DNAH11: variants seen among roughly 807,000 people sequenced by gnomAD.
DNAH11 encodes dynein axonemal heavy chain 11, also known as axonemal beta dynein heavy chain 11.
Under a neutral mutation model 526.0 loss-of-function variants are expected in DNAH11, and 442 were observed. The ratio of observed to expected loss-of-function variants is 0.84; its 90% CI spans 0.78 to 0.91. The LOEUF (loss-of-function observed/expected upper bound fraction) is 0.91. Among genes scored for constraint, DNAH11 ranks in the 40% least tolerant of loss-of-function variants. DNAH11 has a pLI of 0.00. For synonymous variants in DNAH11, 2,461 were observed against 1,935.9 expected, an observed-to-expected ratio of 1.27 and a Z score of -7.12; for missense variants, 6,989 against 5,448.7, an observed-to-expected ratio of 1.28 and a Z score of -8.90.
chr7:21,635,024 A>G lies in DNAH11; in HGVS notation c.4501-847A>G, dbSNP rs185566545. On this transcript the variant is annotated intron_variant, in intron 25 of 81. Transcript: ENST00000409508. ...TCTTTTCAAAATAAAACTGCAACCA[A>G]TACTTGAAAAAACAAAACAAAAACA... Among the ~76,000 whole-genome samples, 25 of 152,302 alleles carry G rather than the reference A, an allele frequency of 1.6e-4. No homozygotes were observed. The East Asian group carries it at 4.4e-3, about 27-fold the overall frequency.
In DNAH11 at chr7:21,880,747, C is replaced by T. The variant is rs1783890164; in HGVS notation, c.12241C>T (p.Leu4081Phe). The change falls in exon 75 of 82, where the codon CTT becomes TTT. Residue 4081 changes from leucine to phenylalanine, a missense_variant. Transcript: ENST00000409508. Reference protein sequence around the residue: ...CSKEQEFKSILFSLCYFHACV... With the variant: ...CSKEQEFKSIFFSLCYFHACV... Reference sequence around the variant, plus strand: ...CAAGGAGCAGGAGTTTAAAAGCATCCTTTTTTCTCTCTGCTACTTCCACGC... The same window carrying T: ...CAAGGAGCAGGAGTTTAAAAGCATCTTTTTTTCTCTCTGCTACTTCCACGC... 2.5e-6 allele frequency: 4 copies of T among 1,613,808 alleles called. No individual in the cohort carries two copies. Among genetic ancestry groups the T allele is most frequent in the African/African-American group, 2.7e-5 (2 of 74,912 alleles).
Position 21,707,823 on chromosome 7 carries a change from G to T in DNAH11, c.6671G>T (p.Trp2224Leu), listed in dbSNP as rs1428388313. 3 of 1,595,176 alleles carry T rather than the reference G, an allele frequency of 1.9e-6. No homozygotes were observed. In the African/African-American group the frequency reaches 4.1e-5, roughly 22 times the overall value. The change falls in exon 40 of 82, where the codon TGG becomes TTG. Residue 2224 changes from tryptophan (W) to leucine (L), a missense_variant. Transcript: ENST00000409508. ...TTCATACATCATGCTACCCGAGAAT[G>T]GAAAGATGGCAAGTAGTATTTCCCC... ...FGFIHHATREWKDGKIVYSYF... is the reference protein window; with the variant it reads ...FGFIHHATRELKDGKIVYSYF...
At chr7:21,823,991 G>C (rs1329182170) in intron 65 of DNAH11, among the ~76,000 whole-genome samples, 2 of 152,272 alleles carry the variant, frequency 1.3e-5, no homozygotes, top group South Asian at 2.1e-4. Context: ...TATGCAGTCT[G>C]CTAAGAGATT....
chr7:21,687,310 T>C (rs1238153843), intron 33 of DNAH11, 55 bp downstream of exon 33: 2 of 1,557,204 alleles, frequency 1.3e-6, no homozygotes, highest in African/African-American at 2.7e-5. Context: ...TTATTCCTGA[T>C]TGGGAATTAT....
At chr7:21,619,661 T>G (rs1030130988) in intron 24 of DNAH11, among the ~76,000 whole-genome samples, 1 of 152,200 alleles carries the variant, frequency 6.6e-6, no homozygotes. Context: ...AATTTGTAAA[T>G]AGTATCTACC....
In DNAH11 at chr7:21,763,353, A is replaced by AAAAAAAAAGAAG. The variant is rs66803559; in HGVS notation, c.8941-2072_8941-2071insAAAAAGAAGAAA. On this transcript the variant is annotated intron_variant, in intron 54 of 81. Transcript: ENST00000409508. ...CAAGACTGTCTCAAAAAAAAAAAAA[A>AAAAAAAAAGAAG]AAAGAAAAAAAAAAAGACTTACAAA... Among the ~76,000 whole-genome samples, 89 of 56,946 alleles carry AAAAAAAAAGAAG rather than the reference A, an allele frequency of 1.6e-3. 7 individuals carry two copies. Among genetic ancestry groups the AAAAAAAAAGAAG allele is most frequent in the Middle Eastern group, 0.013 (1 of 78 alleles). The allele number at this position is 56,946 out of a possible 152,430, so 37.4% of individuals were successfully genotyped here.
intron 74 of DNAH11, among the ~76,000 whole-genome samples, chr7:21,875,762 T>C (rs1783680775): frequency 6.6e-6 from 1 of 152,176 alleles, no homozygotes; most frequent in Non-Finnish European, 1.5e-5. Context: ...GAACACCTGT[T>C]CTGGTCTTTT....
At chr7:21,581,846 T>G in intron 8 of DNAH11, 59 bp from the exon 9 acceptor site, 1 of 1,050,366 alleles carries the variant, frequency 9.5e-7, no homozygotes, top group Non-Finnish European at 1.5e-6. Context: ...CTTGTGTGAT[T>G]GCTATTTTCG....
At chr7:21,726,206 A>G (rs1234137655) in intron 45 of DNAH11, among the ~76,000 whole-genome samples, 1 of 152,128 alleles carries the variant, frequency 6.6e-6, no homozygotes, top group Non-Finnish European at 1.5e-5. Context: ...GGGAAACAAG[A>G]GAGAGTGAGG....
intron 65 of DNAH11, among the ~76,000 whole-genome samples, chr7:21,830,351 G>A (rs1041151510): frequency 2.6e-5 from 4 of 152,206 alleles, no homozygotes; most frequent in Middle Eastern, 3.4e-3. Flanking sequence ...TTGATACTTC[G>A]GTAGTTGTTG....
rs758924628 is a variant in DNAH11, at chr7:21,616,216, T to C, written c.4019T>C (p.Ile1340Thr). ...CTGCTTTTGCGTTTTCAGAGAAGCA[T>C]TGATAATTGGACTAAAACCCAGTGG... ...WDVIIYVRRS[I>T]DNWTKTQWRQ... Residue 1340 changes from isoleucine to threonine, a missense_variant, in exon 22 of 82, where the codon ATT (isoleucine) becomes ACT (threonine). Physicochemically the swap from Ile to Thr is moderately conservative, Grantham distance 89 (BLOSUM62 -1). Transcript: ENST00000409508. The C allele has an allele frequency of 9.3e-6, 15 of 1,613,462 alleles. No homozygotes were observed. The highest frequency in any genetic ancestry group is 2.2e-5 in the South Asian group (2 of 90,996).
chr7:21,839,092 T>C lies in DNAH11; in HGVS notation c.10692-3452T>C, dbSNP rs143723950. On this transcript the variant is annotated intron_variant, in intron 65 of 81. Transcript: ENST00000409508. Reference sequence around the variant, plus strand: ...TGATTTGCATTTCCCTGGTGACTAATGATATTAAGCATCTTTTCATATGCT... The same window carrying C: ...TGATTTGCATTTCCCTGGTGACTAACGATATTAAGCATCTTTTCATATGCT... Among the ~76,000 whole-genome samples the C allele has an allele frequency of 2.6e-5, 4 of 152,298 alleles. No individual in the cohort carries two copies. In the East Asian group the frequency reaches 5.8e-4, roughly 22 times the overall value.
intron 63 of DNAH11, among the ~76,000 whole-genome samples, chr7:21,815,111 T>G (rs1273395269): frequency 6.6e-6 from 1 of 152,152 alleles, no homozygotes; most frequent in African/African-American, 2.4e-5. Context: ...GATCCCTGGC[T>G]CTCTACTCTG....
chr7:21,629,280 A>G (rs1409744950), intron 25 of DNAH11, among the ~76,000 whole-genome samples: 1 of 152,126 alleles, frequency 6.6e-6, no homozygotes, highest in Non-Finnish European at 1.5e-5. Flanking sequence ...ACTCGATATG[A>G]TTTCTACTTT....
intron 37 of DNAH11, among the ~76,000 whole-genome samples, chr7:21,703,158 A>G (rs1784132455): frequency 6.6e-6 from 1 of 152,204 alleles, no homozygotes; most frequent in Non-Finnish European, 1.5e-5. Flanking sequence ...GTCAGCGAAG[A>G]CATAATGGGA....
At chr7:21,880,084 CAAA>C (rs57931095) in intron 74 of DNAH11, among the ~76,000 whole-genome samples, 12 of 93,732 alleles carry the variant, frequency 1.3e-4, no homozygotes, top group East Asian at 2.7e-4. Context: ...GACTCCGTCT[CAAA>C]AAAAAAAAAA....
chr7:21,560,217 A>C (rs1328368073), intron 4 of DNAH11, among the ~76,000 whole-genome samples: 1 of 152,220 alleles, frequency 6.6e-6, no homozygotes, highest in African/African-American at 2.4e-5. Flanking sequence ...TAAGACATCC[A>C]TTCACATGTC....
chr7:21,741,790 C>G, intron 48 of DNAH11, 137 bp from the exon 49 acceptor site: 1 of 974,852 alleles, frequency 1.0e-6, no homozygotes, highest in African/African-American at 1.6e-5. Context: ...CATGGCCAAC[C>G]CCAGAGTCAG....
Position 21,852,642 on chromosome 7 carries a change from C to CA in DNAH11, c.11061+12dup. 1 of 1,566,554 alleles carries CA rather than the reference C, an allele frequency of 6.4e-7. No homozygotes were observed. Among genetic ancestry groups the CA allele is most frequent in the Non-Finnish European group, 8.6e-7 (1 of 1,159,746 alleles). Reference sequence around the variant, plus strand: ...GAGATAGAGCACAAGGTAGGAAGGGCAGAGGGTGCCTGGCAGATTCTAATG... The same window carrying CA: ...GAGATAGAGCACAAGGTAGGAAGGGCAAGAGGGTGCCTGGCAGATTCTAATG... On this transcript the variant is annotated intron_variant, in intron 67 of 81. Transcript: ENST00000409508.
Sources: allele counts gnomAD v4.1 joint callset (sites outside exome capture counted in the v4.1 genomes callset), GRCh38; gene constraint gnomAD v4.1.1; transcripts MANE v1.5; gene names NCBI Gene and HGNC (gene_info 2026-07-23, HGNC 2026-07-21).